SNX13: variants seen among roughly 807,000 people sequenced by gnomAD.
The protein encoded by SNX13 is sorting nexin-13.
A neutral mutation model predicts 133.6 loss-of-function variants in SNX13; 45 were observed. That is an observed-to-expected ratio of 0.34 (90% CI 0.27 to 0.43). SNX13 has a LOEUF of 0.43. Among genes scored for constraint, SNX13 ranks in the 20% least tolerant of loss-of-function variants. The probability of loss-of-function intolerance (pLI) is 1.00; values close to 1 mark genes in which losing one functional copy is unlikely to be tolerated. For missense variants in SNX13, 1,032 were observed against 1,145.1 expected, an observed-to-expected ratio of 0.90 and a Z score of 1.43; for synonymous variants, 414 against 373.9, an observed-to-expected ratio of 1.11 and a Z score of -1.24.
chr7:17,885,670 T>C (rs1016147830), intron 5 of SNX13, among the ~76,000 whole-genome samples: 1 of 151,928 alleles, frequency 6.6e-6, no homozygotes, highest in Non-Finnish European at 1.5e-5. Context: ...TCTACTAGAA[T>C]ACAAAAAATT....
rs371156418 is a variant in SNX13 at position 17,919,740 on chromosome 7, C to T, written c.12+20544G>A. The stretch of plus-strand genomic sequence containing the variant: ...GGAAAGCGAAACAAGCATCATTTAA[C>T]GTAATTGCTCTTCAGTTTTTATCTT... On this transcript the variant is annotated intron_variant, in intron 1 of 25. Transcript: ENST00000428135. Among the ~76,000 whole-genome samples, 19 of 152,294 alleles carry T rather than the reference C, an allele frequency of 1.2e-4. No individual in the cohort carries two copies. In the South Asian group the frequency reaches 3.7e-3, roughly 30 times the overall value.
chr7:17,937,033 A>C (rs1488761637), intron 1 of SNX13, among the ~76,000 whole-genome samples: 1 of 149,790 alleles, frequency 6.7e-6, no homozygotes, highest in Non-Finnish European at 1.5e-5. Flanking sequence ...AAAAAAAAAA[A>C]CTAGCTAGAC....
At chr7:17,888,247 C>A (rs995408301) in intron 5 of SNX13, 6 of 151,970 alleles carry the variant, frequency 3.9e-5, no homozygotes, top group African/African-American at 1.5e-4. Context: ...TTTAATTTTC[C>A]AGAAATTTAA....
chr7:17,800,852 C>T (rs1039251211), intron 22 of SNX13, among the ~76,000 whole-genome samples: 3 of 150,740 alleles, frequency 2.0e-5, no homozygotes, highest in African/African-American at 4.9e-5. Flanking sequence ...AACGCAAATT[C>T]GCATGAAATA....
chr7:17,845,632 G>A lies in SNX13; in HGVS notation c.1128C>T (p.Ser376=). The change falls in exon 12 of 26, where the codon AGC becomes AGT. Residue 376 remains serine (S), a synonymous_variant. Transcript: ENST00000428135. ...GTAGTGCAACATTGTCTACAAGAAT[G>A]CTGTCCAGGGGGACTGTGCAAAGTT... ...FGKLCTVPLD[S]ILVDNVALQF... is the part of the protein sequence containing the mutation. The A allele has an allele frequency of 6.2e-7, 1 of 1,602,236 alleles. No individual in the cohort carries two copies. Among genetic ancestry groups the A allele is most frequent in the South Asian group, 1.1e-5 (1 of 88,162 alleles).
chr7:17,850,763 C>A (rs1208736333), intron 10 of SNX13, 63 bp downstream of exon 10: 3 of 1,289,580 alleles, frequency 2.3e-6, no homozygotes, highest in East Asian at 2.7e-5. Context: ...GTAAATTAAT[C>A]AAAGTTTTGA....
intron 1 of SNX13, among the ~76,000 whole-genome samples, chr7:17,909,632 T>C (rs1434170087): frequency 1.3e-5 from 2 of 152,194 alleles, no homozygotes; most frequent in African/African-American, 2.4e-5. Flanking sequence ...GAACACTGCA[T>C]GTTCTCATTT....
intron 20 of SNX13, among the ~76,000 whole-genome samples, chr7:17,812,232 A>C (rs1451679648): frequency 1.3e-5 from 2 of 152,158 alleles, no homozygotes; most frequent in African/African-American, 4.8e-5. Flanking sequence ...ATTGGGAGAA[A>C]ATTTTTGCAA....
intron 1 of SNX13, among the ~76,000 whole-genome samples, chr7:17,903,139 C>A (rs1798019670): frequency 6.6e-6 from 1 of 152,138 alleles, no homozygotes; most frequent in Non-Finnish European, 1.5e-5. Flanking sequence ...GTCCCAGAAT[C>A]ACTCACAACT....
rs796141691 is a variant in SNX13, at chr7:17,850,942, T to C, written c.860A>G (p.Tyr287Cys). 1.9e-6 allele frequency: 3 copies of C among 1,606,188 alleles called. No homozygotes were observed. The highest frequency in any genetic ancestry group is 2.2e-5 in the East Asian group (1 of 44,682). Residue 287 changes from tyrosine (Y) to cysteine (C), a missense_variant, in exon 10 of 26, where the codon TAT becomes TGT. Transcript: ENST00000428135. ...IWMIRDSNCNYEAFMNIIKLS... is the reference protein window; with the variant it reads ...IWMIRDSNCNCEAFMNIIKLS... ...TTTAATAATGTTCATAAAGGCCTCA[T>C]AGTTGCAGTTAGAATCACGGATCTG... is the stretch of plus-strand genomic sequence containing the variant.
intron 24 of SNX13, among the ~76,000 whole-genome samples, chr7:17,797,465 G>A (rs1188992818): frequency 6.6e-6 from 1 of 151,800 alleles, no homozygotes; most frequent in Non-Finnish European, 1.5e-5. Context: ...TTAACTTTCA[G>A]TGTGCTTTAC....
chr7:17,850,311 T>C (rs1791058002), intron 11 of SNX13, 36 bp downstream of exon 11: 2 of 1,418,482 alleles, frequency 1.4e-6, no homozygotes, highest in Non-Finnish European at 1.9e-6. Flanking sequence ...GTATAGTATT[T>C]ATAACTAAAC....
At chr7:17,810,139 T>C (rs545681302) in intron 20 of SNX13, among the ~76,000 whole-genome samples, 10 of 150,852 alleles carry the variant, frequency 6.6e-5, no homozygotes, top group East Asian at 5.9e-4. Flanking sequence ...CTGAAGGAGA[T>C]AGAGACACGA....
At chr7:17,795,957 T>C (rs993053056) in intron 25 of SNX13, 2 of 151,740 alleles carry the variant, frequency 1.3e-5, no homozygotes, top group African/African-American at 2.4e-5. Flanking sequence ...CATTAAAATT[T>C]ATAGAGAAAA....
At chr7:17,854,732 C>T (rs1791678453) in intron 9 of SNX13, among the ~76,000 whole-genome samples, 1 of 152,182 alleles carries the variant, frequency 6.6e-6, no homozygotes, top group Non-Finnish European at 1.5e-5. Flanking sequence ...AGCTCCACAA[C>T]TGACCATTCC....
chr7:17,922,076 T>TC (rs752384410), intron 1 of SNX13, among the ~76,000 whole-genome samples: 5 of 152,208 alleles, frequency 3.3e-5, no homozygotes, highest in Non-Finnish European at 7.3e-5. Context: ...ACTCCATGGT[T>TC]CACCATTCCA....
intron 20 of SNX13, among the ~76,000 whole-genome samples, chr7:17,809,594 T>C (rs1252429259): frequency 6.6e-6 from 1 of 152,172 alleles, no homozygotes; most frequent in Non-Finnish European, 1.5e-5. Context: ...ATTCAGGACT[T>C]GAACTCAGCT....
chr7:17,893,416 G>GA lies in SNX13; in HGVS notation c.143dup (p.Leu49ProfsTer15), dbSNP rs1484752254. 1 of 1,560,968 alleles carries GA rather than the reference G, an allele frequency of 6.4e-7. No individual in the cohort carries two copies. Among genetic ancestry groups the GA allele is most frequent in the Non-Finnish European group, 8.7e-7 (1 of 1,151,238 alleles). ...TCTCTGAGTTTGTTTTTCCAAACAGGAGAGTAACCACTAAACCCCTAGAAA... is the reference window on the plus strand; with the variant it reads ...TCTCTGAGTTTGTTTTTCCAAACAGGAAGAGTAACCACTAAACCCCTAGAAA... On this transcript the variant is annotated frameshift_variant, in exon 3 of 26. Coordinates refer to ENST00000428135, the MANE Select transcript of SNX13 (RefSeq NM_015132.5). LOFTEE classifies it high-confidence loss of function.
At chr7:17,882,990 C>T (rs1795548304) in intron 5 of SNX13, 1 of 312,346 alleles carries the variant, frequency 3.2e-6, no homozygotes, top group Non-Finnish European at 5.9e-6. Context: ...GGGTTCTTAA[C>T]TTTCAGTTCA....
Sources: gnomAD v4.1 joint callset for allele counts (sites outside exome capture counted in the v4.1 genomes callset) on GRCh38, gnomAD v4.1.1 for gene constraint, MANE v1.5 for transcripts, NCBI Gene and HGNC (gene_info 2026-07-23, HGNC 2026-07-21) for gene names.